LTV1: variants seen among roughly 807,000 people sequenced by gnomAD.
LTV1 encodes LTV1 ribosome biogenesis factor, also known as protein LTV1 homolog.
Under a neutral mutation model 59.9 loss-of-function variants are expected in LTV1, and 39 were observed. The observed-to-expected ratio is 0.65, with a 90% confidence interval of 0.50 to 0.85. The LOEUF (loss-of-function observed/expected upper bound fraction) is 0.85. Ranked by LOEUF, LTV1 falls within the 40% of genes least tolerant of loss-of-function variation. The probability of loss-of-function intolerance (pLI) is 0.00; values close to 1 mark genes in which losing one functional copy is unlikely to be tolerated. For missense variants in LTV1, 493 were observed against 549.1 expected (o/e 0.90, Z 1.02); for synonymous variants, 171 against 189.5 (o/e 0.90, Z 0.80).
chr6:143,860,545 G>A lies in LTV1; in HGVS notation c.915G>A (p.Lys305=), dbSNP rs201992865. The part of the protein sequence containing the change: ...QEVLNDYYKE[K]AENCVKLNTL... ...TTTTGAATGACTACTATAAAGAGAA[G>A]GCAGAGAAGTATAGTGACTTTTCCT... is the stretch of plus-strand genomic sequence containing the variant. The change falls in exon 7 of 11, where the codon AAG becomes AAA. Residue 305 remains lysine (K), a synonymous_variant. Coordinates refer to ENST00000367576, the MANE Select transcript of LTV1 (RefSeq NM_032860.5). 8.1e-6 allele frequency: 13 copies of A among 1,610,500 alleles called. No homozygotes were observed. The East Asian group carries it at 2.9e-4, about 36-fold the overall frequency.
Position 143,857,222 on chromosome 6 carries a change from C to G in LTV1, c.398-81C>G, listed in dbSNP as rs1331305424. 13 of 1,519,348 alleles carry G rather than the reference C, an allele frequency of 8.6e-6. No individual in the cohort carries two copies. Among genetic ancestry groups the G allele is most frequent in the Non-Finnish European group, 1.2e-5 (13 of 1,107,444 alleles). 94.1% of individuals were successfully genotyped at this position (1,519,348 alleles called of 1,614,324 possible). A position where few individuals can be genotyped will look rare whatever the true frequency, so the allele number is the denominator to read the frequency against. On this transcript the variant is annotated intron_variant, in intron 4 of 10. Transcript: ENST00000367576. The surrounding 1 kb of genome is among the most constrained non-coding windows in gnomAD (Gnocchi z 5.2). ...CAATATATTAATAGACTCTTGCTAT[C>G]ATAGGTCCTTATATTGTGAGTTAAG...
chr6:143,858,937 A>G (rs914353076), intron 6 of LTV1, among the ~76,000 whole-genome samples: 2 of 152,174 alleles, frequency 1.3e-5, no homozygotes, highest in Admixed American at 6.5e-5. Context: ...TACATATTCT[A>G]TGAGGCCAGT....
intron 4 of LTV1, among the ~76,000 whole-genome samples, chr6:143,852,423 G>GT (rs1156899606): frequency 8.6e-5 from 13 of 151,954 alleles, no homozygotes; most frequent in East Asian, 3.9e-4. Flanking sequence ...GGGGTTGTTT[G>GT]TTTTTTTCTT....
In LTV1 at chr6:143,862,553, T is replaced by C. The variant is rs943218902; in HGVS notation, c.1064-291T>C. Among the ~76,000 whole-genome samples the C allele has an allele frequency of 6.6e-6, 1 of 152,054 alleles. No individual in the cohort carries two copies. Among genetic ancestry groups the C allele is most frequent in the African/African-American group, 2.4e-5 (1 of 41,390 alleles). On this transcript the variant is annotated intron_variant, in intron 8 of 10. Transcript: ENST00000367576. The surrounding 1 kb of genome is among the most constrained non-coding windows in gnomAD (Gnocchi z 4.2). Reference sequence around the variant, plus strand: ...ATGAGCCGAGATCATGCCATTGCACTCCAACCTGGGCAACAAGAGCAAAAC... The same window carrying C: ...ATGAGCCGAGATCATGCCATTGCACCCCAACCTGGGCAACAAGAGCAAAAC...
chr6:143,853,259 C>T (rs375171125), intron 4 of LTV1, among the ~76,000 whole-genome samples: 57 of 152,272 alleles, frequency 3.7e-4, no homozygotes, highest in African/African-American at 1.3e-3. Flanking sequence ...CACAATTTGG[C>T]TCTCTGTTTG....
chr6:143,852,709 G>A (rs956870729), intron 4 of LTV1, among the ~76,000 whole-genome samples: 3 of 152,076 alleles, frequency 2.0e-5, no homozygotes, highest in Non-Finnish European at 2.9e-5. Context: ...TAGGTCTTAC[G>A]TTGAAGTCTT....
rs751940001 is a variant in LTV1, at chr6:143,857,967, G to A, written c.755G>A (p.Arg252Lys). The change falls in exon 6 of 11, where the codon AGA becomes AAA. Residue 252 changes from arginine (R) to lysine (K), a missense_variant. Coordinates refer to ENST00000367576, the MANE Select transcript of LTV1 (RefSeq NM_032860.5). This position sits in a 1 kb window ranked among gnomAD's most constrained non-coding sequence, Gnocchi z 5.2. ...EYSMTSSVMRRNEQLTLHDER... is the reference protein window; with the variant it reads ...EYSMTSSVMRKNEQLTLHDER... Reference sequence around the variant, plus strand: ...TCGATGACTTCCTCAGTCATGAGGAGAAATGAACAGCTGACCCTACATGAT... The same window carrying A: ...TCGATGACTTCCTCAGTCATGAGGAAAAATGAACAGCTGACCCTACATGAT... The A allele has an allele frequency of 7.4e-6, 12 of 1,613,978 alleles. No individual in the cohort carries two copies. In the Admixed American group the frequency reaches 8.3e-5, roughly 11 times the overall value.
intron 4 of LTV1, among the ~76,000 whole-genome samples, chr6:143,851,423 C>G (rs77807276): frequency 6.6e-6 from 1 of 151,540 alleles, no homozygotes; most frequent in African/African-American, 2.4e-5. Flanking sequence ...AAAAATTGTT[C>G]GAGTTATTTT....
In LTV1 at chr6:143,862,654, T is replaced by C. The variant is rs1032098241; in HGVS notation, c.1064-190T>C. ...ATAAGAGTTAGGCTTTTAGGAAATT[T>C]GTGAAAAATTATTTGGAAAGAGTAA... On this transcript the variant is annotated intron_variant, in intron 8 of 10. Transcript: ENST00000367576. The surrounding 1 kb of genome is among the most constrained non-coding windows in gnomAD (Gnocchi z 4.2). Among the ~76,000 whole-genome samples the C allele has an allele frequency of 1.3e-5, 2 of 152,218 alleles. No individual in the cohort carries two copies.
chr6:143,851,751 G>A (rs998755553), intron 4 of LTV1, among the ~76,000 whole-genome samples: 18 of 152,000 alleles, frequency 1.2e-4, no homozygotes, highest in Admixed American at 9.2e-4. Flanking sequence ...AGGCCCCAGT[G>A]TGTGATGTTC....
chr6:143,859,366 C>G (rs911067119), intron 6 of LTV1, among the ~76,000 whole-genome samples: 1 of 152,088 alleles, frequency 6.6e-6, no homozygotes, highest in Non-Finnish European at 1.5e-5. Context: ...TAATGTTGTG[C>G]TTTATTATGT....
chr6:143,844,710 GC>G, intron 2 of LTV1, 93 bp downstream of exon 2: 1 of 1,340,522 alleles, frequency 7.5e-7, no homozygotes, highest in Non-Finnish European at 9.9e-7. Flanking sequence ...TTAGCACGTT[GC>G]CCAGGCTGGT....
Position 143,861,451 on chromosome 6 carries a change from T to G in LTV1, c.924-653T>G, listed in dbSNP as rs183284913. On this transcript the variant is annotated intron_variant, in intron 7 of 10. Coordinates refer to ENST00000367576, the MANE Select transcript of LTV1 (RefSeq NM_032860.5). The stretch of plus-strand genomic sequence containing the variant: ...TCTGTCTCAAAAAAAAAAAAAGAAA[T>G]AAAGGGACACATTCCCCTTGGAAAA... Among the ~76,000 whole-genome samples the G allele has an allele frequency of 2.6e-3, 392 of 150,940 alleles. 1 individual carries two copies. Among genetic ancestry groups the G allele is most frequent in the Non-Finnish European group, 4.2e-3 (283 of 67,688 alleles).
At chr6:143,853,465 TC>T (rs771228930) in intron 4 of LTV1, among the ~76,000 whole-genome samples, 14 of 152,190 alleles carry the variant, frequency 9.2e-5, no homozygotes, top group Non-Finnish European at 1.8e-4. Context: ...TTTATTTCTT[TC>T]TCTTGCCTGA....
At chr6:143,849,545 T>G (rs1582935832) in intron 3 of LTV1, among the ~76,000 whole-genome samples, 1 of 152,318 alleles carries the variant, frequency 6.6e-6, no homozygotes, top group East Asian at 1.9e-4. Flanking sequence ...TGGAATAATT[T>G]GCTAGAGAAG....
At chr6:143,859,514 A>G (rs1002587442) in intron 6 of LTV1, among the ~76,000 whole-genome samples, 1 of 152,258 alleles carries the variant, frequency 6.6e-6, no homozygotes, top group Non-Finnish European at 1.5e-5. Context: ...TGTTCCATAA[A>G]TGATAAATGA....
chr6:143,856,982 C>T (rs901270629), intron 4 of LTV1, among the ~76,000 whole-genome samples: 3 of 152,244 alleles, frequency 2.0e-5, no homozygotes, highest in African/African-American at 4.8e-5. Context: ...ATCCGCTGCT[C>T]TCTTCAGAGC....
rs143834090 is a variant in LTV1 at position 143,857,975 on chromosome 6, C to T, written c.763C>T (p.Gln255Ter). 1 of 1,613,948 alleles carries T rather than the reference C, an allele frequency of 6.2e-7. No homozygotes were observed. Among genetic ancestry groups the T allele is most frequent in the African/African-American group, 1.3e-5 (1 of 74,896 alleles). Residue 255 changes from glutamine (Q) to a stop codon, truncating the protein, a stop_gained, in exon 6 of 11, where the codon CAG becomes TAG. Transcript: ENST00000367576. LOFTEE classifies it high-confidence loss of function. The surrounding 1 kb of genome is among the most constrained non-coding windows in gnomAD (Gnocchi z 5.2). ...TTCCTCAGTCATGAGGAGAAATGAA[C>T]AGCTGACCCTACATGATGAGAGGTT... ...MTSSVMRRNE[Q>*]LTLHDERFEK...
intron 7 of LTV1, among the ~76,000 whole-genome samples, chr6:143,861,401 T>C (rs1176264477): frequency 6.6e-6 from 1 of 151,188 alleles, no homozygotes; most frequent in Non-Finnish European, 1.5e-5. Context: ...CACCACTGCT[T>C]CCAGCCTGGG....
Sources: allele counts gnomAD v4.1 joint callset (sites outside exome capture counted in the v4.1 genomes callset), GRCh38; gene constraint gnomAD v4.1.1; non-coding constraint Gnocchi (gnomAD v3.1); transcripts MANE v1.5; gene names NCBI Gene and HGNC (gene_info 2026-07-23, HGNC 2026-07-21).